Variants in NIPA1 observed in about 807,000 individuals in gnomAD.
NIPA1 encodes the protein NIPA magnesium transporter 1, also known as magnesium transporter NIPA1.
Under a neutral mutation model 23.9 loss-of-function variants are expected in NIPA1, and 13 were observed. The ratio of observed to expected loss-of-function variants is 0.54; its 90% CI spans 0.35 to 0.87. The LOEUF (loss-of-function observed/expected upper bound fraction) is 0.87, where lower values mean the gene tolerates loss of function less well. NIPA1 is among the 40% of genes least tolerant of loss of function. The probability of loss-of-function intolerance (pLI) is 0.01; values close to 1 mark genes in which losing one functional copy is unlikely to be tolerated. For missense variants in NIPA1, 362 were observed against 429.7 expected (o/e 0.84, Z 1.39); for synonymous variants, 234 against 202.9 (o/e 1.15, Z -1.30).
rs565996126 is a variant in NIPA1 at position 22,824,442 on chromosome 15, G to A, written c.*203G>A. 4.2e-5 allele frequency: 25 copies of A among 593,700 alleles called. No homozygotes were observed. The highest frequency in any genetic ancestry group is 2.0e-4 in the South Asian group (10 of 49,860). 36.8% of individuals were successfully genotyped at this position (593,700 alleles called of 1,614,324 possible). On this transcript the variant is annotated 3_prime_UTR_variant, in exon 5 of 5. Transcript: ENST00000337435. This position sits in a 1 kb window ranked among gnomAD's most constrained non-coding sequence, Gnocchi z 4.1. ...CCTCTGCAGCCCAAACGTCCCCAAC[G>A]GTTGCCTGGCACCATCTCTCTCTGA...
chr15:22,789,355 CAT>C (rs143880416), intron 1 of NIPA1, among the ~76,000 whole-genome samples: 2,338 of 152,248 alleles, frequency 0.015, 56 homozygotes, highest in African/African-American at 0.052. Context: ...AAGCCCCAGA[CAT>C]TGCATGGTGT....
chr15:22,804,842 A>T (rs1011204277), intron 1 of NIPA1, among the ~76,000 whole-genome samples: 8 of 146,792 alleles, frequency 5.4e-5, no homozygotes, highest in South Asian at 2.2e-4. Context: ...TTTATAGTAA[A>T]TTTTTTTTTT....
intron 1 of NIPA1, among the ~76,000 whole-genome samples, chr15:22,792,119 G>A (rs1894841714): frequency 6.6e-6 from 1 of 152,168 alleles, no homozygotes; most frequent in Non-Finnish European, 1.5e-5. Context: ...TTGAAGCAGG[G>A]CTTATGGAAG....
At chr15:22,788,169 G>A (rs1000168351) in intron 1 of NIPA1, among the ~76,000 whole-genome samples, 14 of 152,070 alleles carry the variant, frequency 9.2e-5, no homozygotes, top group African/African-American at 3.4e-4. Context: ...CACGGCCCTA[G>A]CGTAAGCATG....
At chr15:22,797,215 G>C (rs1482432640) in intron 1 of NIPA1, among the ~76,000 whole-genome samples, 1 of 74,912 alleles carries the variant, frequency 1.3e-5, no homozygotes, top group Non-Finnish European at 2.2e-5. Context: ...AATATATTTG[G>C]GTTTTTTTTT....
intron 4 of NIPA1, among the ~76,000 whole-genome samples, chr15:22,822,657 C>T (rs940670715): frequency 1.3e-5 from 2 of 152,038 alleles, no homozygotes; most frequent in South Asian, 2.1e-4. Context: ...GGCGAAACCC[C>T]GTCTCTGCTA....
At chr15:22,791,884 C>T (rs1282654659) in intron 1 of NIPA1, among the ~76,000 whole-genome samples, 1 of 152,110 alleles carries the variant, frequency 6.6e-6, no homozygotes. Context: ...CCTTCTTTGC[C>T]ATGCTTTTGG....
intron 1 of NIPA1, among the ~76,000 whole-genome samples, chr15:22,788,510 A>AAAAAAAAAAAAAAAAAAAAAAAAAAG (rs1894760146): frequency 6.6e-6 from 1 of 151,318 alleles, no homozygotes; most frequent in Non-Finnish European, 1.5e-5. Flanking sequence ...AAAAAAAAAA[A>AAAAAAAAAAAAAAAAAAAAAAAAAAG]AAAAATCTTG....
intron 1 of NIPA1, among the ~76,000 whole-genome samples, chr15:22,804,425 A>G (rs557172434): frequency 6.3e-4 from 96 of 152,246 alleles, no homozygotes; most frequent in African/African-American, 2.3e-3. Flanking sequence ...CTGGCCTAAA[A>G]GTTCCTCTTG....
chr15:22,793,995 G>A (rs919659467), intron 1 of NIPA1, among the ~76,000 whole-genome samples: 5 of 152,022 alleles, frequency 3.3e-5, no homozygotes, highest in African/African-American at 7.3e-5. Context: ...GAAGTCAGGA[G>A]GTGTGTTGCC....
chr15:22,803,112 A>G (rs187262328), intron 1 of NIPA1, among the ~76,000 whole-genome samples: 20 of 151,990 alleles, frequency 1.3e-4, no homozygotes, highest in Non-Finnish European at 2.8e-4. Context: ...AGCTGTCACC[A>G]TGCCTGGCTA....
intron 2 of NIPA1, 129 bp from the exon 3 acceptor site, chr15:22,812,034 A>T (rs1895327958): frequency 1.3e-6 from 1 of 753,054 alleles, no homozygotes; most frequent in Non-Finnish European, 2.3e-6. Context: ...GACACCCCAG[A>T]TGTGATTCTT....
chr15:22,791,858 C>T (rs1041588521), intron 1 of NIPA1, among the ~76,000 whole-genome samples: 4 of 152,100 alleles, frequency 2.6e-5, no homozygotes, highest in Non-Finnish European at 4.4e-5. Context: ...AGCATAGGCT[C>T]GGATGGGACA....
chr15:22,826,445 C>T lies in NIPA1; in HGVS notation c.*2206C>T, dbSNP rs1895655120. 6.6e-6 allele frequency: 1 copy of T among 152,214 alleles called. No individual in the cohort carries two copies. Among genetic ancestry groups the T allele is most frequent in the South Asian group, 2.1e-4 (1 of 4,824 alleles). The allele number at this position is 152,214 out of a possible 1,614,324, so 9.4% of individuals were successfully genotyped here. A position where few individuals can be genotyped will look rare whatever the true frequency, so the allele number is the denominator to read the frequency against. On this transcript the variant is annotated 3_prime_UTR_variant, in exon 5 of 5. Coordinates refer to ENST00000337435, the MANE Select transcript of NIPA1 (RefSeq NM_144599.5). ...AACGTAATGTAGCAGTATCAATATA[C>T]TTTTGGGCATAAAAATAGTTTCCTA...
chr15:22,790,170 TGA>T (rs1894798451), intron 1 of NIPA1, among the ~76,000 whole-genome samples: 1 of 152,132 alleles, frequency 6.6e-6, no homozygotes, highest in South Asian at 2.1e-4. Flanking sequence ...GCTGGCAACT[TGA>T]GAGATCAGAG....
intron 1 of NIPA1, among the ~76,000 whole-genome samples, chr15:22,809,423 A>G (rs1334874026): frequency 1.3e-5 from 2 of 151,958 alleles, no homozygotes; most frequent in Admixed American, 1.3e-4. Context: ...CATTACTGTA[A>G]TCTGTGGTTA....
rs950597869 is a variant in NIPA1, at chr15:22,829,480, G to A, written c.*5241G>A. 11 of 152,394 alleles carry A rather than the reference G, an allele frequency of 7.2e-5. 1 individual carries two copies. Among genetic ancestry groups the A allele is most frequent in the East Asian group, 1.9e-4 (1 of 5,196 alleles). 9.4% of individuals were successfully genotyped at this position (152,394 alleles called of 1,614,324 possible). ...GATACTGTTTTTCAGTGGCTTGAGCGTTTTGCCTTTTCAAAGGATAACTAT... is the reference window on the plus strand; with the variant it reads ...GATACTGTTTTTCAGTGGCTTGAGCATTTTGCCTTTTCAAAGGATAACTAT... On this transcript the variant is annotated 3_prime_UTR_variant, in exon 5 of 5. Transcript: ENST00000337435.
chr15:22,802,861 TG>T (rs1432454453), intron 1 of NIPA1, among the ~76,000 whole-genome samples: 1 of 152,162 alleles, frequency 6.6e-6, no homozygotes, highest in Non-Finnish European at 1.5e-5. Context: ...CATCGTGATG[TG>T]GGTATCAGCA....
At chr15:22,796,635 A>ATACCAATT (rs1405689454) in intron 1 of NIPA1, among the ~76,000 whole-genome samples, 5 of 152,070 alleles carry the variant, frequency 3.3e-5, no homozygotes, top group Non-Finnish European at 7.4e-5. Context: ...CCCTTAATGA[A>ATACCAATT]TACCAATTTC....
Sources: allele counts gnomAD v4.1 joint callset (sites outside exome capture counted in the v4.1 genomes callset), GRCh38; gene constraint gnomAD v4.1.1; non-coding constraint Gnocchi (gnomAD v3.1); transcripts MANE v1.5; gene names NCBI Gene and HGNC (gene_info 2026-07-23, HGNC 2026-07-21).